The following FRS2 variants were observed in gnomAD, a reference collection of about 807,000 sequenced individuals.
The protein encoded by FRS2 is FGFR signalling adaptor.
A neutral mutation model predicts 43.9 loss-of-function variants in FRS2; 8 were observed. That is an observed-to-expected ratio of 0.18 (90% CI 0.11 to 0.33). The LOEUF (loss-of-function observed/expected upper bound fraction) is 0.33. Ranked by LOEUF, FRS2 falls within the 10% of genes least tolerant of loss-of-function variation. The pLI is 1.00. For missense variants in FRS2, 534 were observed against 627.6 expected, an observed-to-expected ratio of 0.85 and a Z score of 1.59; for synonymous variants, 219 against 220.3, an observed-to-expected ratio of 0.99 and a Z score of 0.05.
intron 1 of FRS2, among the ~76,000 whole-genome samples, chr12:69,527,325 GTT>G (rs200031040): frequency 1.3e-5 from 1 of 76,900 alleles, no homozygotes. Flanking sequence ...ATGGAGCAAA[GTT>G]TTTTTTTTTT....
At chr12:69,491,079 T>C (rs1872435399) in intron 1 of FRS2, among the ~76,000 whole-genome samples, 1 of 152,206 alleles carries the variant, frequency 6.6e-6, no homozygotes, top group African/African-American at 2.4e-5. Context: ...GCACATTTTC[T>C]TCCTACATTT....
At chr12:69,495,803 C>G (rs1352111038) in intron 1 of FRS2, among the ~76,000 whole-genome samples, 1 of 152,038 alleles carries the variant, frequency 6.6e-6, no homozygotes, top group Non-Finnish European at 1.5e-5. Flanking sequence ...TTGGGTGGTG[C>G]ACACCTGTAG....
intron 1 of FRS2, among the ~76,000 whole-genome samples, chr12:69,484,842 CA>C (rs1368259156): frequency 6.6e-6 from 1 of 151,940 alleles, no homozygotes; most frequent in Non-Finnish European, 1.5e-5. Flanking sequence ...TATATGAATA[CA>C]AAAATAACAA....
intron 3 of FRS2, among the ~76,000 whole-genome samples, chr12:69,533,298 A>G (rs1205002676): frequency 6.6e-6 from 1 of 152,150 alleles, no homozygotes; most frequent in Non-Finnish European, 1.5e-5. Context: ...TATATAGAAA[A>G]GTATTTCAGA....
intron 1 of FRS2, 48 bp from the exon 2 acceptor site, chr12:69,530,817 A>G (rs1451800949): frequency 6.6e-6 from 1 of 152,602 alleles, no homozygotes; most frequent in Admixed American, 6.5e-5. Context: ...GAGTTTTGTT[A>G]TAATATATTC....
At chr12:69,502,803 A>G (rs1741683775) in intron 1 of FRS2, among the ~76,000 whole-genome samples, 1 of 152,166 alleles carries the variant, frequency 6.6e-6, no homozygotes, top group Non-Finnish European at 1.5e-5. Context: ...AGGCAAATTT[A>G]TAGTCTGCCT....
At chr12:69,546,329 C>T (rs770468050) in intron 3 of FRS2, among the ~76,000 whole-genome samples, 2 of 150,800 alleles carry the variant, frequency 1.3e-5, no homozygotes, top group Non-Finnish European at 3.0e-5. Context: ...GTGATCTCGG[C>T]TCACTGCAAC....
chr12:69,481,141 C>A (rs1871314033), intron 1 of FRS2, among the ~76,000 whole-genome samples: 2 of 152,046 alleles, frequency 1.3e-5, no homozygotes. Flanking sequence ...CCATATTTTT[C>A]TTTTTGCATA....
chr12:69,492,895 T>G, intron 1 of FRS2, among the ~76,000 whole-genome samples: 1 of 152,248 alleles, frequency 6.6e-6, no homozygotes, highest in South Asian at 2.1e-4. Flanking sequence ...AGTCTGTTTA[T>G]GAGCATCAAC....
At chr12:69,538,417 C>G (rs1877553049) in intron 3 of FRS2, among the ~76,000 whole-genome samples, 1 of 151,076 alleles carries the variant, frequency 6.6e-6, no homozygotes, top group South Asian at 2.1e-4. Flanking sequence ...CTCCCATTAA[C>G]AAAAAAAGGC....
intron 1 of FRS2, among the ~76,000 whole-genome samples, chr12:69,491,056 G>A (rs1872432999): frequency 6.6e-6 from 1 of 152,194 alleles, no homozygotes; most frequent in Non-Finnish European, 1.5e-5. Flanking sequence ...CCCTAAGGCA[G>A]TTCCTGTTTA....
In FRS2 at chr12:69,574,124, A is replaced by G. The variant is rs1880998685; in HGVS notation, c.696A>G (p.Pro232=). ...AAAGCAGCACACCAAAAGAAGAACCAAGTAGTATTGAGGACAGGGATCCTC... is the reference window on the plus strand; with the variant it reads ...AAAGCAGCACACCAAAAGAAGAACCGAGTAGTATTGAGGACAGGGATCCTC... ...NAESSTPKEE[P]SSIEDRDPQI... Residue 232 remains proline (P), a synonymous_variant, in exon 9 of 9, where the codon CCA becomes CCG. Coordinates refer to ENST00000549921, the MANE Select transcript of FRS2 (RefSeq NM_001278356.2). The G allele has an allele frequency of 6.2e-7, 1 of 1,614,108 alleles. No homozygotes were observed. Among genetic ancestry groups the G allele is most frequent in the South Asian group, 1.1e-5 (1 of 91,080 alleles).
intron 3 of FRS2, among the ~76,000 whole-genome samples, chr12:69,551,565 A>C (rs764994919): frequency 8.5e-5 from 13 of 152,250 alleles, no homozygotes; most frequent in Admixed American, 6.5e-4. Context: ...GGCTTTGTTA[A>C]TGTGGTAGAG....
chr12:69,574,932 A>G lies in FRS2; in HGVS notation c.1504A>G (p.Asn502Asp). ...DDGTSRKTRH[N>D]STDLPM ...TGGTACATCTAGGAAAACTAGACAC[A>G]ATAGTACTGATCTGCCCATGTGAGC... Residue 502 changes from asparagine (N) to aspartate (D), a missense_variant, in exon 9 of 9, where the codon AAT becomes GAT. By Grantham distance (23) the Asn-to-Asp change is conservative. Around this residue, in one of 3 missense-constraint regions of FRS2, gnomAD observed 446 missense variants for 494.2 expected, o/e 0.90. Coordinates refer to ENST00000549921, the MANE Select transcript of FRS2 (RefSeq NM_001278356.2). The G allele has an allele frequency of 6.2e-7, 1 of 1,609,396 alleles. No homozygotes were observed. Among genetic ancestry groups the G allele is most frequent in the Non-Finnish European group, 8.5e-7 (1 of 1,175,782 alleles).
intron 1 of FRS2, among the ~76,000 whole-genome samples, chr12:69,499,950 G>T (rs1407527803): frequency 6.6e-6 from 1 of 152,040 alleles, no homozygotes; most frequent in Admixed American, 6.6e-5. Flanking sequence ...CCACAATTCT[G>T]GTCAGAGTAG....
intron 3 of FRS2, among the ~76,000 whole-genome samples, chr12:69,541,081 C>T (rs770313668): frequency 6.6e-6 from 1 of 151,984 alleles, no homozygotes; most frequent in Non-Finnish European, 1.5e-5. Flanking sequence ...TTTAAAAAAC[C>T]ACAAAACTGA....
intron 3 of FRS2, among the ~76,000 whole-genome samples, chr12:69,552,926 A>G (rs1040400330): frequency 1.3e-5 from 2 of 152,066 alleles, no homozygotes; most frequent in Non-Finnish European, 1.5e-5. Context: ...AGGAATGCAT[A>G]TAAATGTTTA....
At chr12:69,525,531 T>C (rs1425234567) in intron 1 of FRS2, among the ~76,000 whole-genome samples, 1 of 152,210 alleles carries the variant, frequency 6.6e-6, no homozygotes, top group Non-Finnish European at 1.5e-5. Flanking sequence ...TTCCTAATTC[T>C]AGGTCTGCAC....
At chr12:69,541,123 C>T (rs1038350631) in intron 3 of FRS2, among the ~76,000 whole-genome samples, 12 of 152,054 alleles carry the variant, frequency 7.9e-5, no homozygotes, top group Non-Finnish European at 1.3e-4. Context: ...ACCTAGAAGT[C>T]ACATACTTTG....
Sources: allele counts gnomAD v4.1 joint callset (sites outside exome capture counted in the v4.1 genomes callset), GRCh38; gene constraint gnomAD v4.1.1; regional missense constraint gnomAD v4.1.1; transcripts MANE v1.5; gene names NCBI Gene and HGNC (gene_info 2026-07-23, HGNC 2026-07-21).